NXPE1: variants seen among roughly 807,000 people sequenced by gnomAD.
The protein encoded by NXPE1 is neurexophilin and PC-esterase domain family member 1, also known as NXPE family member 1.
NXPE1 carries 31 observed loss-of-function variants against 33.3 expected under a neutral mutation model. That is an observed-to-expected ratio of 0.93 (90% CI 0.70 to 1.26). NXPE1 has a LOEUF of 1.26. NXPE1 is among the 50% of genes most tolerant of loss of function. The pLI, the probability that NXPE1 is intolerant of heterozygous loss-of-function variation, is 0.00. For synonymous variants in NXPE1, 229 were observed against 231.4 expected, an observed-to-expected ratio of 0.99 and a Z score of 0.09; for missense variants, 661 against 655.6, an observed-to-expected ratio of 1.01 and a Z score of -0.09.
intron 5 of NXPE1, among the ~76,000 whole-genome samples, chr11:114,540,178 A>T (rs1948039283): frequency 6.6e-6 from 1 of 152,154 alleles, no homozygotes; most frequent in African/African-American, 2.4e-5. Context: ...GCTGGCCTCA[A>T]ACTCCTGACC....
chr11:114,557,765 C>G (rs1269760407), intron 1 of NXPE1, among the ~76,000 whole-genome samples: 1 of 150,626 alleles, frequency 6.6e-6, no homozygotes, highest in Non-Finnish European at 1.5e-5. Context: ...AATTTATCTT[C>G]TGCTTCAAGA....
intron 5 of NXPE1, among the ~76,000 whole-genome samples, chr11:114,539,011 A>G (rs1215533401): frequency 9.3e-6 from 1 of 107,550 alleles, no homozygotes; most frequent in African/African-American, 3.9e-5. Context: ...ACTATTCACA[A>G]TAGCAAAGAC....
chr11:114,528,688 C>T (rs1195478021), intron 6 of NXPE1: 3 of 465,414 alleles, frequency 6.4e-6, no homozygotes, highest in Non-Finnish European at 7.8e-6. Context: ...CTCTTACTCA[C>T]ACTTTGTTTC....
chr11:114,551,840 GGAGA>G (rs1172579103), intron 3 of NXPE1, 130 bp downstream of exon 3: 1 of 151,918 alleles, frequency 6.6e-6, no homozygotes, highest in Admixed American at 6.6e-5. Context: ...GGAGAGAGAT[GGAGA>G]GAGAGAGAAA....
chr11:114,553,634 T>C, intron 1 of NXPE1: 3 of 818,716 alleles, frequency 3.7e-6, no homozygotes, highest in Non-Finnish European at 4.4e-6. Flanking sequence ...CAAATCAGAC[T>C]TCTTAGAATC....
intron 7 of NXPE1, 55 bp from the exon 8 acceptor site, chr11:114,523,146 C>A: frequency 7.8e-7 from 1 of 1,284,784 alleles, no homozygotes; most frequent in South Asian, 1.2e-5. Flanking sequence ...GACATCTAGC[C>A]TTCTTTCCTG....
chr11:114,549,381 AC>A (rs1233125474), intron 5 of NXPE1, among the ~76,000 whole-genome samples: 2 of 152,076 alleles, frequency 1.3e-5, no homozygotes, highest in Non-Finnish European at 2.9e-5. Context: ...ATCCAAATGA[AC>A]ATTACACAAA....
At chr11:114,555,507 G>A in intron 1 of NXPE1, among the ~76,000 whole-genome samples, 1 of 152,172 alleles carries the variant, frequency 6.6e-6, no homozygotes, top group Non-Finnish European at 1.5e-5. Context: ...TTACAGGCGT[G>A]AGCCACCACG....
At chr11:114,540,180 C>T (rs930692165) in intron 5 of NXPE1, among the ~76,000 whole-genome samples, 22 of 152,182 alleles carry the variant, frequency 1.4e-4, no homozygotes, top group African/African-American at 3.9e-4. Flanking sequence ...TGGCCTCAAA[C>T]TCCTGACCTC....
chr11:114,523,603 C>A (rs1412515333), intron 7 of NXPE1, among the ~76,000 whole-genome samples: 1 of 152,036 alleles, frequency 6.6e-6, no homozygotes, highest in Non-Finnish European at 1.5e-5. Context: ...TTTGTAAAAC[C>A]AGACTTTGCT....
At chr11:114,518,986 T>C (rs10790019), downstream of NXPE1, among the ~76,000 whole-genome samples, 36,851 of 152,036 alleles carry the variant, frequency 0.24, 6,641 homozygotes, top group African/African-American at 0.5. Flanking sequence ...TAATGACAGG[T>C]GTATTAATAA....
At chr11:114,530,895 A>G (rs1591265474) in exon 6 of NXPE1, 2 of 1,608,252 alleles carry the variant, frequency 1.2e-6, no homozygotes, top group Non-Finnish European at 8.5e-7. Context: ...GGATAAGTTT[A>G]GAGCAGACCA....
intron 5 of NXPE1, among the ~76,000 whole-genome samples, chr11:114,540,014 A>T (rs576168584): frequency 3.9e-5 from 6 of 152,336 alleles, no homozygotes; most frequent in African/African-American, 1.4e-4. Flanking sequence ...TAATTTCCTT[A>T]TGACCTCACA....
At chr11:114,527,794 A>T in intron 7 of NXPE1, 46 bp downstream of exon 7, 1 of 1,394,562 alleles carries the variant, frequency 7.2e-7, no homozygotes, top group Non-Finnish European at 9.9e-7. Context: ...AATGCTGATA[A>T]AAGTTTCCTC....
intron 1 of NXPE1, among the ~76,000 whole-genome samples, chr11:114,558,560 C>T (rs1424285142): frequency 3.9e-5 from 6 of 151,962 alleles, no homozygotes; most frequent in African/African-American, 1.2e-4. Flanking sequence ...TGACAAAGGC[C>T]TTTTCTGATT....
At chr11:114,534,377 C>A (rs1293547580) in intron 5 of NXPE1, among the ~76,000 whole-genome samples, 1 of 152,208 alleles carries the variant, frequency 6.6e-6, no homozygotes, top group East Asian at 1.9e-4. Flanking sequence ...AATCAGAGCG[C>A]CTCTTCTCCT....
At chr11:114,544,245 A>G (rs1416502637) in intron 5 of NXPE1, among the ~76,000 whole-genome samples, 1 of 152,188 alleles carries the variant, frequency 6.6e-6, no homozygotes. Flanking sequence ...GAAATTTTAT[A>G]TGGAAAGGTA....
intron 6 of NXPE1, 39 bp downstream of exon 6, chr11:114,530,136 C>T: frequency 1.3e-6 from 2 of 1,546,338 alleles, no homozygotes; most frequent in Non-Finnish European, 1.7e-6. Context: ...GGGCACTTCT[C>T]AGGGGACACT....
In NXPE1 at chr11:114,529,334, C is replaced by A. The variant is rs553768329; in HGVS notation, c.833+841G>T. On this transcript the variant is annotated intron_variant, in intron 6 of 8. Coordinates refer to ENST00000534921, the Ensembl canonical transcript of NXPE1. ...AAGTCTTAGGGCTTGGCTCACAGTT[C>A]TGGGATTTGTGATAACAGATAGTTA... 7.9e-5 allele frequency: 12 copies of A among 152,638 alleles called. 1 individual carries two copies. The South Asian group carries it at 2.5e-3, about 32-fold the overall frequency. The allele number at this position is 152,638 out of a possible 1,614,324, so 9.5% of individuals were successfully genotyped here.
Sources: allele counts gnomAD v4.1 joint callset (sites outside exome capture counted in the v4.1 genomes callset), GRCh38; gene constraint gnomAD v4.1.1; transcripts MANE v1.5; gene names NCBI Gene and HGNC (gene_info 2026-07-23, HGNC 2026-07-21).